The following PIP5K1B variants were observed in gnomAD, a reference collection of about 807,000 sequenced individuals.
PIP5K1B encodes the protein phosphatidylinositol-4-phosphate 5-kinase type 1 beta.
In PIP5K1B, 42 loss-of-function variants were observed where a neutral mutation model predicts 67.0. The ratio of observed to expected loss-of-function variants is 0.63; its 90% CI spans 0.49 to 0.81. The LOEUF is 0.81. Ranked by LOEUF, PIP5K1B falls within the 30% of genes least tolerant of loss-of-function variation. The pLI, the probability that PIP5K1B is intolerant of heterozygous loss-of-function variation, is 0.00. For synonymous variants in PIP5K1B, 214 were observed against 231.4 expected (o/e 0.92, Z 0.68); for missense variants, 459 against 646.3 (o/e 0.71, Z 3.14).
At chr9:68,712,015 C>T (rs137981064) in intron 1 of PIP5K1B, among the ~76,000 whole-genome samples, 5 of 152,160 alleles carry the variant, frequency 3.3e-5, no homozygotes, top group African/African-American at 4.8e-5. Flanking sequence ...ACAGTTTTGA[C>T]GTTTGTCCCT....
At chr9:68,840,404 C>T (rs1821858407) in intron 4 of PIP5K1B, among the ~76,000 whole-genome samples, 1 of 151,922 alleles carries the variant, frequency 6.6e-6, no homozygotes. Flanking sequence ...AAATATTTCA[C>T]ACTTGCTATA....
At chr9:68,904,726 G>A (rs1044941667) in intron 8 of PIP5K1B, among the ~76,000 whole-genome samples, 4 of 150,622 alleles carry the variant, frequency 2.7e-5, no homozygotes, top group African/African-American at 9.7e-5. Context: ...ATTCACTACA[G>A]AAACGGAAGG....
chr9:68,917,499 C>A, intron 8 of PIP5K1B, 49 bp from the exon 9 acceptor site: 1 of 1,342,006 alleles, frequency 7.5e-7, no homozygotes, highest in Non-Finnish European at 1.1e-6. Context: ...GTAGATGAGA[C>A]GAACAGGCCT....
chr9:68,986,630 A>C (rs1301256204), intron 14 of PIP5K1B, among the ~76,000 whole-genome samples: 1 of 152,236 alleles, frequency 6.6e-6, no homozygotes, highest in African/African-American at 2.4e-5. Flanking sequence ...GATTTTATCA[A>C]ATTTTGACCT....
At chr9:68,977,036 G>A (rs1446684812) in intron 14 of PIP5K1B, among the ~76,000 whole-genome samples, 1 of 152,108 alleles carries the variant, frequency 6.6e-6, no homozygotes, top group Non-Finnish European at 1.5e-5. Context: ...TTCATGGATG[G>A]CCCATACTGC....
At chr9:68,980,959 AC>A (rs1829858278) in intron 14 of PIP5K1B, among the ~76,000 whole-genome samples, 1 of 152,308 alleles carries the variant, frequency 6.6e-6, no homozygotes, top group East Asian at 1.9e-4. Context: ...GGGAAATATA[AC>A]CCTAACTCAC....
At chr9:68,993,950 A>G (rs1039944682) in intron 15 of PIP5K1B, among the ~76,000 whole-genome samples, 3 of 152,134 alleles carry the variant, frequency 2.0e-5, no homozygotes, top group Admixed American at 6.5e-5. Flanking sequence ...GTGTCTTACA[A>G]GAGTGAGGGA....
At chr9:68,736,303 A>G (rs569692829) in intron 1 of PIP5K1B, among the ~76,000 whole-genome samples, 1 of 152,332 alleles carries the variant, frequency 6.6e-6, no homozygotes, top group Admixed American at 6.5e-5. Flanking sequence ...ATTTTATCTT[A>G]ATCTATTAAT....
chr9:69,004,511 C>T (rs564038774), intron 15 of PIP5K1B, among the ~76,000 whole-genome samples: 4 of 152,140 alleles, frequency 2.6e-5, no homozygotes, highest in Non-Finnish European at 5.9e-5. Flanking sequence ...TGACAAGTCC[C>T]GTGAGGTCTC....
At chr9:68,930,780 C>G (rs2132585030) in intron 12 of PIP5K1B, among the ~76,000 whole-genome samples, 1 of 151,658 alleles carries the variant, frequency 6.6e-6, no homozygotes, top group Admixed American at 6.6e-5. Context: ...AATAATAATG[C>G]TAAAGGAAAT....
intron 5 of PIP5K1B, among the ~76,000 whole-genome samples, chr9:68,873,340 T>G (rs1024889340): frequency 2.8e-5 from 4 of 141,340 alleles, no homozygotes; most frequent in African/African-American, 1.1e-4. Flanking sequence ...CAGGCTGGAG[T>G]GCAGTGGCGC....
intron 1 of PIP5K1B, among the ~76,000 whole-genome samples, chr9:68,708,429 G>T (rs897622781): frequency 6.6e-6 from 1 of 152,138 alleles, no homozygotes; most frequent in African/African-American, 2.4e-5. Flanking sequence ...TGAAGCTGGC[G>T]GGTACAGAGC....
intron 14 of PIP5K1B, among the ~76,000 whole-genome samples, chr9:68,982,082 T>C (rs1453196485): frequency 6.6e-6 from 1 of 152,178 alleles, no homozygotes; most frequent in Non-Finnish European, 1.5e-5. Context: ...ATCGAGAGAA[T>C]TGTGGCAAAA....
chr9:68,996,370 C>A (rs1257401637), intron 15 of PIP5K1B, among the ~76,000 whole-genome samples: 3 of 152,132 alleles, frequency 2.0e-5, no homozygotes, highest in Non-Finnish European at 4.4e-5. Flanking sequence ...AGGCCATTCA[C>A]CTTCACACTG....
At chr9:68,885,881 T>A (rs1243086718) in intron 6 of PIP5K1B, among the ~76,000 whole-genome samples, 1 of 152,094 alleles carries the variant, frequency 6.6e-6, no homozygotes, top group Non-Finnish European at 1.5e-5. Flanking sequence ...CGATCGAAAA[T>A]TTAAAAATAG....
chr9:68,836,777 A>T (rs1834635671), intron 4 of PIP5K1B, among the ~76,000 whole-genome samples: 1 of 152,190 alleles, frequency 6.6e-6, no homozygotes, highest in African/African-American at 2.4e-5. Context: ...TACCTGGTCA[A>T]GGGAAGGCTG....
At chr9:68,792,286 A>G (rs1344189987) in intron 2 of PIP5K1B, among the ~76,000 whole-genome samples, 1 of 152,236 alleles carries the variant, frequency 6.6e-6, no homozygotes, top group Non-Finnish European at 1.5e-5. Context: ...TGTTGAGTAG[A>G]TGAATTAATA....
chr9:68,718,464 G>A (rs2132255652), intron 1 of PIP5K1B, among the ~76,000 whole-genome samples: 1 of 152,234 alleles, frequency 6.6e-6, no homozygotes, highest in East Asian at 1.9e-4. Context: ...TTTTCTTCCT[G>A]AAATTCCTTC....
chr9:68,826,513 A>AC (rs1833985200), intron 4 of PIP5K1B, among the ~76,000 whole-genome samples: 1 of 152,214 alleles, frequency 6.6e-6, no homozygotes, highest in African/African-American at 2.4e-5. Context: ...TCTGGGCAAA[A>AC]CAGTTTGCCT....
Sources: allele counts gnomAD v4.1 joint callset (sites outside exome capture counted in the v4.1 genomes callset), GRCh38; gene constraint gnomAD v4.1.1; transcripts MANE v1.5; gene names NCBI Gene and HGNC (gene_info 2026-07-23, HGNC 2026-07-21).